Variants in ERI3 observed in about 807,000 individuals in gnomAD.
The protein encoded by ERI3 is ERI1 exoribonuclease 3.
Under a neutral mutation model 44.4 loss-of-function variants are expected in ERI3, and 18 were observed. That is an observed-to-expected ratio of 0.41 (90% confidence interval 0.28 to 0.60). The LOEUF (loss-of-function observed/expected upper bound fraction) is 0.60. ERI3 is among the 20% of genes least tolerant of loss of function. The pLI is 0.36. For missense variants in ERI3, 294 were observed against 435.5 expected, an observed-to-expected ratio of 0.68 and a Z score of 2.89; for synonymous variants, 183 against 164.8, an observed-to-expected ratio of 1.11 and a Z score of -0.84.
chr1:44,292,684 C>G (rs1489380498), intron 6 of ERI3, among the ~76,000 whole-genome samples: 1 of 152,238 alleles, frequency 6.6e-6, no homozygotes, highest in African/African-American at 2.4e-5. Flanking sequence ...CCTCTGCCTG[C>G]CCACAGCCCT....
chr1:44,248,727 G>GTGTGTGTGT, intron 7 of ERI3, among the ~76,000 whole-genome samples: 1 of 151,298 alleles, frequency 6.6e-6, no homozygotes, highest in South Asian at 2.1e-4. Context: ...GTGTGTGTGT[G>GTGTGTGTGT]GTAGGGGGAG....
At chr1:44,335,904 T>C (rs1253114678) in intron 3 of ERI3, among the ~76,000 whole-genome samples, 1 of 152,202 alleles carries the variant, frequency 6.6e-6, no homozygotes, top group Non-Finnish European at 1.5e-5. Context: ...CTGTCTCTTC[T>C]GGCAGTTCAT....
chr1:44,333,268 T>C (rs917844107), intron 3 of ERI3, among the ~76,000 whole-genome samples: 4 of 152,268 alleles, frequency 2.6e-5, no homozygotes, highest in Non-Finnish European at 4.4e-5. Context: ...TCAACCATAA[T>C]GTTACATTAA....
intron 8 of ERI3, among the ~76,000 whole-genome samples, chr1:44,222,071 T>G (rs1372326580): frequency 6.6e-6 from 1 of 152,246 alleles, no homozygotes; most frequent in Non-Finnish European, 1.5e-5. Flanking sequence ...TCCATTTCAT[T>G]ACTGTGCGAC....
chr1:44,261,462 T>C (rs1228938736), intron 7 of ERI3, among the ~76,000 whole-genome samples: 1 of 152,060 alleles, frequency 6.6e-6, no homozygotes, highest in African/African-American at 2.4e-5. Context: ...GTGTGATAAA[T>C]AGACAAAGAG....
intron 7 of ERI3, among the ~76,000 whole-genome samples, chr1:44,259,012 C>T (rs188821385): frequency 3.9e-5 from 6 of 152,230 alleles, no homozygotes; most frequent in East Asian, 1.9e-4. Flanking sequence ...GGAGAGTGCA[C>T]GCTTTGGAAT....
Position 44,224,390 on chromosome 1 carries a change from A to T in ERI3, c.932-2750T>A, listed in dbSNP as rs542795450. On this transcript the variant is annotated intron_variant, in intron 8 of 8. Coordinates refer to ENST00000372257, the MANE Select transcript of ERI3 (RefSeq NM_024066.3). ...CAATCCCTGGACTCCAATCTCAAGG[A>T]CCCACTCACTGTTTTCTGAAAATGA... Among the ~76,000 whole-genome samples, 6 of 152,258 alleles carry T rather than the reference A, an allele frequency of 3.9e-5. No individual in the cohort carries two copies. In the South Asian group the frequency reaches 1.2e-3, roughly 32 times the overall value.
chr1:44,311,002 CA>C (rs1645960124), intron 5 of ERI3, among the ~76,000 whole-genome samples: 1 of 149,708 alleles, frequency 6.7e-6, no homozygotes, highest in Non-Finnish European at 1.5e-5. Flanking sequence ...CACACACACA[CA>C]CACACACACA....
At position 44,273,628 on chromosome 1, in the gene ERI3, T is replaced by C. The variant is rs554831292; in HGVS notation, c.831+11207A>G. Among the ~76,000 whole-genome samples the C allele has an allele frequency of 5.3e-5, 8 of 152,304 alleles. No homozygotes were observed. The East Asian group carries it at 1.5e-3, about 29-fold the overall frequency. ...TATATTGACTTCAGTGAACTCACAG[T>C]ATAGTGGGAAACAAAAACATGTAAG... On this transcript the variant is annotated intron_variant, in intron 7 of 8. Coordinates refer to ENST00000372257, the MANE Select transcript of ERI3 (RefSeq NM_024066.3).
chr1:44,313,075 T>G (rs1646007820), intron 5 of ERI3, 94 bp downstream of exon 5: 1 of 1,055,492 alleles, frequency 9.5e-7, no homozygotes, highest in South Asian at 1.3e-5. Flanking sequence ...GCCATAATCA[T>G]AGTCAAATTA....
intron 6 of ERI3, among the ~76,000 whole-genome samples, chr1:44,289,641 C>G (rs1300424470): frequency 1.3e-5 from 2 of 152,268 alleles, no homozygotes; most frequent in Non-Finnish European, 2.9e-5. Context: ...TTCCCCACCC[C>G]ACTCCTCATT....
chr1:44,225,540 C>T (rs1644017399), intron 8 of ERI3, among the ~76,000 whole-genome samples: 1 of 152,084 alleles, frequency 6.6e-6, no homozygotes, highest in Admixed American at 6.5e-5. Context: ...TTTTATATTG[C>T]CAAGACCATA....
At chr1:44,354,824 A>G in intron 1 of ERI3, 68 bp downstream of exon 1, 1 of 1,309,400 alleles carries the variant, frequency 7.6e-7, no homozygotes, top group Non-Finnish European at 9.8e-7. Context: ...AATTCTGCGC[A>G]CCGCGACCCT....
At chr1:44,232,248 G>C (rs1644202151) in intron 8 of ERI3, among the ~76,000 whole-genome samples, 1 of 152,216 alleles carries the variant, frequency 6.6e-6, no homozygotes, top group African/African-American at 2.4e-5. Context: ...ACTGAATAAA[G>C]GAGGCAGGCC....
At chr1:44,354,548 A>T (rs1157547083) in intron 1 of ERI3, 1 of 985,296 alleles carries the variant, frequency 1.0e-6, no homozygotes. Context: ...TCAGATTTAC[A>T]AAGAGGTAAA....
intron 4 of ERI3, 86 bp from the exon 5 acceptor site, chr1:44,313,314 C>T (rs964702736): frequency 1.2e-4 from 153 of 1,305,580 alleles, no homozygotes; most frequent in Non-Finnish European, 1.6e-4. Context: ...TTCTGTTTTT[C>T]TCCTTCTGTT....
Position 44,242,320 on chromosome 1 carries a change from C to G in ERI3, c.931+5619G>C, listed in dbSNP as rs114774199. ...GGAAGGACATCAAGGTCTGTAGAGG[C>G]CTCACATCAATGCATCACCACTCAG... On this transcript the variant is annotated intron_variant, in intron 8 of 8. Transcript: ENST00000372257. Among the ~76,000 whole-genome samples the G allele has an allele frequency of 4.8e-3, 725 of 152,338 alleles. 10 individuals carry two copies. The highest frequency in any genetic ancestry group is 0.017 in the African/African-American group (692 of 41,580).
chr1:44,335,507 C>T (rs1188453726), intron 3 of ERI3, among the ~76,000 whole-genome samples: 1 of 152,038 alleles, frequency 6.6e-6, no homozygotes, highest in Non-Finnish European at 1.5e-5. Context: ...TGCCTGTAAT[C>T]CCAGAACTTT....
intron 4 of ERI3, among the ~76,000 whole-genome samples, chr1:44,316,937 T>A (rs890382864): frequency 4.6e-5 from 7 of 152,138 alleles, no homozygotes; most frequent in Non-Finnish European, 4.4e-5. Context: ...GAACCACGTC[T>A]CCAGGCCGAC....
Sources: allele counts gnomAD v4.1 joint callset (sites outside exome capture counted in the v4.1 genomes callset), GRCh38; gene constraint gnomAD v4.1.1; transcripts MANE v1.5; gene names NCBI Gene and HGNC (gene_info 2026-07-23, HGNC 2026-07-21).